Variants in CNTN5 observed in about 807,000 individuals in gnomAD.
CNTN5 encodes contactin 5, also known as contactin-5.
A neutral mutation model predicts 129.1 loss-of-function variants in CNTN5; 77 were observed. The observed-to-expected ratio is 0.60, with a 90% CI of 0.50 to 0.72. The LOEUF (loss-of-function observed/expected upper bound fraction) is 0.72. Ranked by LOEUF, CNTN5 falls within the 30% of genes least tolerant of loss-of-function variation. The pLI is 0.00. For missense variants in CNTN5, 1,478 were observed against 1,328.8 expected, an observed-to-expected ratio of 1.11 and a Z score of -1.75; for synonymous variants, 509 against 465.6, an observed-to-expected ratio of 1.09 and a Z score of -1.20.
At chr11:100,087,074 T>C (rs1944583253) in intron 13 of CNTN5, among the ~76,000 whole-genome samples, 1 of 151,584 alleles carries the variant, frequency 6.6e-6, no homozygotes, top group African/African-American at 2.4e-5. Flanking sequence ...AAGTCAAATA[T>C]TGATACTTTC....
intron 1 of CNTN5, among the ~76,000 whole-genome samples, chr11:99,296,553 C>A (rs1864398394): frequency 6.6e-6 from 1 of 152,152 alleles, no homozygotes; most frequent in Non-Finnish European, 1.5e-5. Context: ...TGAATAAAAT[C>A]TCTTTATAAA....
chr11:100,225,547 G>A (rs1949354353), intron 16 of CNTN5: 1 of 149,346 alleles, frequency 6.7e-6, no homozygotes, highest in Non-Finnish European at 1.5e-5. Context: ...TTTTAGCTTT[G>A]TTTGAAGTAC....
intron 1 of CNTN5, among the ~76,000 whole-genome samples, chr11:99,042,910 T>A (rs1054312008): frequency 1.3e-5 from 2 of 152,034 alleles, no homozygotes; most frequent in African/African-American, 2.4e-5. Context: ...CTGCAATCCT[T>A]CTCATACATT....
intron 2 of CNTN5, among the ~76,000 whole-genome samples, chr11:99,346,669 C>A (rs562685781): frequency 1.3e-5 from 2 of 152,188 alleles, no homozygotes; most frequent in African/African-American, 2.4e-5. Flanking sequence ...CTTATGTTAA[C>A]GCCCTTATTC....
intron 6 of CNTN5, among the ~76,000 whole-genome samples, chr11:99,911,871 T>C (rs1949670167): frequency 6.8e-6 from 1 of 147,290 alleles, no homozygotes; most frequent in Admixed American, 6.7e-5. Flanking sequence ...GGTATATCTC[T>C]ACCTTGTTTT....
chr11:99,643,834 C>G (rs1196519462), intron 3 of CNTN5, among the ~76,000 whole-genome samples: 4 of 117,660 alleles, frequency 3.4e-5, no homozygotes, highest in African/African-American at 1.2e-4. Flanking sequence ...TGTTTAAATT[C>G]TTATATTTCA....
chr11:100,005,662 T>C (rs746526785), intron 9 of CNTN5, among the ~76,000 whole-genome samples: 6 of 152,208 alleles, frequency 3.9e-5, no homozygotes, highest in South Asian at 2.1e-4. Flanking sequence ...CAAAAAACTT[T>C]CTTGATCTAC....
intron 7 of CNTN5, among the ~76,000 whole-genome samples, chr11:99,922,996 A>G (rs1446346632): frequency 2.6e-5 from 4 of 152,208 alleles, no homozygotes; most frequent in Non-Finnish European, 4.4e-5. Context: ...TGTAGCAGCT[A>G]CTATGATTCA....
chr11:100,112,024 T>C (rs1945673151), intron 13 of CNTN5, among the ~76,000 whole-genome samples: 1 of 152,216 alleles, frequency 6.6e-6, no homozygotes, highest in African/African-American at 2.4e-5. Flanking sequence ...TCTTCATAAA[T>C]ATTCTGACTC....
At chr11:99,535,774 T>A (rs1947877382) in intron 2 of CNTN5, among the ~76,000 whole-genome samples, 1 of 152,186 alleles carries the variant, frequency 6.6e-6, no homozygotes, top group Non-Finnish European at 1.5e-5. Context: ...GTCTCTGGCT[T>A]TGTCTAGGTT....
At chr11:99,504,991 A>T (rs999127699) in intron 2 of CNTN5, among the ~76,000 whole-genome samples, 1 of 152,204 alleles carries the variant, frequency 6.6e-6, no homozygotes, top group African/African-American at 2.4e-5. Flanking sequence ...AATATTTTGC[A>T]GCCACTTAAT....
At chr11:100,117,407 T>G (rs774761202) in intron 13 of CNTN5, among the ~76,000 whole-genome samples, 1 of 152,048 alleles carries the variant, frequency 6.6e-6, no homozygotes, top group Non-Finnish European at 1.5e-5. Context: ...ATTTATGTTA[T>G]GGAACTCTGC....
chr11:100,304,106 CA>C (rs1471804194), intron 20 of CNTN5, among the ~76,000 whole-genome samples: 1 of 151,588 alleles, frequency 6.6e-6, no homozygotes, highest in East Asian at 1.9e-4. Flanking sequence ...TCACTTAATA[CA>C]AATGTATCAT....
rs1947636061 is a variant in CNTN5 at position 99,844,940 on chromosome 11, T to TTGTGAAG, written c.368_374dup (p.Arg126Ter). On this transcript the variant is annotated frameshift_variant, in exon 5 of 25. Coordinates refer to ENST00000524871, the MANE Select transcript of CNTN5 (RefSeq NM_014361.4). LOFTEE classifies it high-confidence loss of function. ...CTGATGAAAAGAAGGTAGCATTGAA[T>TTGTGAAG]TGTGAAGTTCGTGGCAATCCAGTTC... 1 of 1,613,718 alleles carries TTGTGAAG rather than the reference T, an allele frequency of 6.2e-7. No homozygotes were observed. Among genetic ancestry groups the TTGTGAAG allele is most frequent in the Admixed American group, 1.7e-5 (1 of 60,004 alleles).
At chr11:99,105,157 T>A (rs1275874326) in intron 1 of CNTN5, among the ~76,000 whole-genome samples, 3 of 152,152 alleles carry the variant, frequency 2.0e-5, no homozygotes, top group Non-Finnish European at 4.4e-5. Flanking sequence ...TAGACGTGAG[T>A]GTAGTTGTCA....
chr11:99,509,644 C>T (rs1257899274), intron 2 of CNTN5, among the ~76,000 whole-genome samples: 1 of 151,626 alleles, frequency 6.6e-6, no homozygotes, highest in Non-Finnish European at 1.5e-5. Context: ...AGTATGATGT[C>T]CCAGAGGTTT....
chr11:99,984,776 TG>T (rs1938568312), intron 8 of CNTN5, among the ~76,000 whole-genome samples: 1 of 152,096 alleles, frequency 6.6e-6, no homozygotes, highest in Non-Finnish European at 1.5e-5. Context: ...CATGCATAAA[TG>T]GGAAGAATTT....
intron 2 of CNTN5, among the ~76,000 whole-genome samples, chr11:99,421,193 A>G (rs770346875): frequency 2.0e-5 from 3 of 151,142 alleles, no homozygotes; most frequent in Non-Finnish European, 4.4e-5. Flanking sequence ...TGTGCTAGAC[A>G]CTGCTATAAG....
chr11:99,471,064 G>T (rs1338112396), intron 2 of CNTN5, among the ~76,000 whole-genome samples: 4 of 151,762 alleles, frequency 2.6e-5, no homozygotes, highest in Non-Finnish European at 5.9e-5. Context: ...AGCTGAAATT[G>T]CAGAGAGCAC....
Sources: allele counts gnomAD v4.1 joint callset (sites outside exome capture counted in the v4.1 genomes callset), GRCh38; gene constraint gnomAD v4.1.1; transcripts MANE v1.5; gene names NCBI Gene and HGNC (gene_info 2026-07-23, HGNC 2026-07-21).